GPAM: variants seen among roughly 807,000 people sequenced by gnomAD.
GPAM encodes glycerol-3-phosphate acyltransferase, mitochondrial.
GPAM carries 56 observed loss-of-function variants against 105.0 expected under a neutral mutation model. The observed-to-expected ratio is 0.53, with a 90% CI of 0.43 to 0.67. GPAM has a LOEUF of 0.67. Among genes scored for constraint, GPAM ranks in the 30% least tolerant of loss-of-function variants. GPAM has a pLI of 0.00. For missense variants in GPAM, 855 were observed against 989.8 expected, an observed-to-expected ratio of 0.86 and a Z score of 1.83; for synonymous variants, 368 against 354.4, an observed-to-expected ratio of 1.04 and a Z score of -0.43.
chr10:112,154,486 G>A (rs922236893), intron 21 of GPAM, 143 bp downstream of exon 21: 17 of 691,950 alleles, frequency 2.5e-5, no homozygotes, highest in South Asian at 1.5e-4. Context: ...TACATGCCCC[G>A]TTCCCAAAAA....
At chr10:112,191,065 C>A (rs1847652613) in intron 1 of GPAM, among the ~76,000 whole-genome samples, 1 of 152,128 alleles carries the variant, frequency 6.6e-6, no homozygotes, top group South Asian at 2.1e-4. Context: ...GGACCTCATT[C>A]TAGGAGGGAG....
At chr10:112,168,134 C>G (rs1461686688) in intron 11 of GPAM, among the ~76,000 whole-genome samples, 178 bp downstream of exon 11, 3 of 152,186 alleles carry the variant, frequency 2.0e-5, no homozygotes, top group Admixed American at 1.3e-4. Context: ...CACTACCAAT[C>G]AAGTTAAAGA....
At chr10:112,213,303 C>G (rs1164671294) in intron 1 of GPAM, among the ~76,000 whole-genome samples, 1 of 152,140 alleles carries the variant, frequency 6.6e-6, no homozygotes, top group East Asian at 1.9e-4. Flanking sequence ...TGGGCAGTTT[C>G]CTTAACTTAT....
intron 1 of GPAM, among the ~76,000 whole-genome samples, chr10:112,189,666 T>G (rs922135128): frequency 1.3e-5 from 2 of 152,208 alleles, no homozygotes; most frequent in East Asian, 3.8e-4. Context: ...CATGACCCAG[T>G]TCTGGGCAAT....
chr10:112,161,020 C>T (rs1847114371), intron 15 of GPAM, 152 bp from the exon 16 acceptor site: 7 of 688,456 alleles, frequency 1.0e-5, no homozygotes, highest in Admixed American at 9.4e-5. Flanking sequence ...CAATGCAGAG[C>T]GAGTCAGAAA....
the GPAM span, among the ~76,000 whole-genome samples, chr10:112,222,309 T>C: frequency 6.6e-6 from 1 of 152,230 alleles, no homozygotes; most frequent in Non-Finnish European, 1.5e-5. Context: ...CCACTGTTTG[T>C]GCCTAACCTG....
At chr10:112,161,469 T>C (rs1046628016) in intron 15 of GPAM, among the ~76,000 whole-genome samples, 198 bp downstream of exon 15, 2 of 152,168 alleles carry the variant, frequency 1.3e-5, no homozygotes, top group Admixed American at 1.3e-4. Flanking sequence ...AAGCAGTCTG[T>C]TTTGTTTTGT....
intron 18 of GPAM, among the ~76,000 whole-genome samples, chr10:112,157,811 T>C (rs1847044759): frequency 6.6e-6 from 1 of 152,258 alleles, no homozygotes; most frequent in Admixed American, 6.5e-5. Flanking sequence ...AGTCAGGATA[T>C]GTTTTAGACA....
At chr10:112,213,423 A>G (rs1020678030) in intron 1 of GPAM, among the ~76,000 whole-genome samples, 83 of 152,248 alleles carry the variant, frequency 5.5e-4, no homozygotes, top group African/African-American at 1.9e-3. Context: ...GGGTATATAG[A>G]AAACACTCCA....
intron 1 of GPAM, among the ~76,000 whole-genome samples, chr10:112,211,443 C>T (rs764145298): frequency 2.3e-4 from 35 of 152,160 alleles, no homozygotes; most frequent in Non-Finnish European, 4.4e-4. Context: ...ATGGCCAGGG[C>T]GGCAAGTATT....
At chr10:112,199,263 G>A (rs1308429367) in intron 1 of GPAM, among the ~76,000 whole-genome samples, 1 of 152,112 alleles carries the variant, frequency 6.6e-6, no homozygotes, top group East Asian at 1.9e-4. Context: ...GCCACCTGGA[G>A]GGCATTATTA....
At chr10:112,196,905 A>ATAGT (rs1316636278) in intron 1 of GPAM, among the ~76,000 whole-genome samples, 3 of 152,122 alleles carry the variant, frequency 2.0e-5, no homozygotes, top group Non-Finnish European at 4.4e-5. Flanking sequence ...CAATCACATC[A>ATAGT]TAGTTATTTT....
chr10:112,227,296 A>G, the GPAM span, among the ~76,000 whole-genome samples: 2 of 152,244 alleles, frequency 1.3e-5, no homozygotes, highest in Non-Finnish European at 2.9e-5. Flanking sequence ...AGGAGGGTCC[A>G]TTACACCTGA....
At position 112,165,647 on chromosome 10, in the gene GPAM, G is replaced by A. The variant is rs147603407; in HGVS notation, c.1221+755C>T. 8.2e-3 allele frequency among the ~76,000 whole-genome samples: 1,251 copies of A among 152,008 alleles called. 9 individuals carry two copies. Among genetic ancestry groups the A allele is most frequent in the African/African-American group, 0.028 (1,177 of 41,458 alleles). On this transcript the variant is annotated intron_variant, in intron 12 of 21. Transcript: ENST00000348367. ...AGAGGTTGCAGTGAGCTGAGATTTC[G>A]CCACTGCACTCCAGCCTGGGCTACA...
In GPAM at chr10:112,197,690, A is replaced by T. The variant is rs193003066; in HGVS notation, n.211-14799T>A. On this transcript the variant is annotated intron_variant and non_coding_transcript_variant, in intron 1 of 3. Transcript: ENST00000480130. Reference sequence around the variant, plus strand: ...GTGTGATATTCCCCTTCCTGTGTCCATGTGATCTCATTGTTCAATTCCCAC... The same window carrying T: ...GTGTGATATTCCCCTTCCTGTGTCCTTGTGATCTCATTGTTCAATTCCCAC... 2.4e-4 allele frequency among the ~76,000 whole-genome samples: 29 copies of T among 119,046 alleles called. No homozygotes were observed. The East Asian group carries it at 7.4e-3, about 30-fold the overall frequency. The allele number at this position is 119,046 out of a possible 152,430, so 78.1% of individuals were successfully genotyped here. A position where few individuals can be genotyped will look rare whatever the true frequency, so the allele number is the denominator to read the frequency against.
intron 19 of GPAM, 158 bp from the exon 20 acceptor site, chr10:112,156,211 C>A: frequency 1.5e-6 from 1 of 668,314 alleles, no homozygotes; most frequent in South Asian, 1.6e-5. Context: ...TGCAGAGAAT[C>A]TCTGCTGGAA....
intron 21 of GPAM, 74 bp downstream of exon 21, chr10:112,154,555 G>A: frequency 9.1e-7 from 1 of 1,100,206 alleles, no homozygotes; most frequent in East Asian, 2.4e-5. Context: ...CACCACAAAG[G>A]TAGCTCAAAC....
chr10:112,208,065 C>T lies in GPAM; in HGVS notation n.210+7103G>A, dbSNP rs1847870770. Among the ~76,000 whole-genome samples, 3 of 152,182 alleles carry T rather than the reference C, an allele frequency of 2.0e-5. No individual in the cohort carries two copies. The South Asian group carries it at 6.2e-4, about 31-fold the overall frequency. ...ATCTGTCAAGCTTGTGAGGGACTTCCAGTGCCCTGGACCATGTCTCAAGTG... is the reference window on the plus strand; with the variant it reads ...ATCTGTCAAGCTTGTGAGGGACTTCTAGTGCCCTGGACCATGTCTCAAGTG... On this transcript the variant is annotated intron_variant and non_coding_transcript_variant, in intron 1 of 3. Transcript: ENST00000480130.
chr10:112,182,087 C>G (rs1007762480), intron 2 of GPAM, among the ~76,000 whole-genome samples: 11 of 151,632 alleles, frequency 7.3e-5, no homozygotes, highest in African/African-American at 2.4e-4. Context: ...TGTATCCACA[C>G]AAAATAGCTA....
Sources: allele counts gnomAD v4.1 joint callset (sites outside exome capture counted in the v4.1 genomes callset), GRCh38; gene constraint gnomAD v4.1.1; transcripts MANE v1.5; gene names NCBI Gene and HGNC (gene_info 2026-07-23, HGNC 2026-07-21).